The following CFAP47 variants were observed in gnomAD, a reference collection of about 807,000 sequenced individuals.
CFAP47 encodes the protein cilia- and flagella-associated protein 47.
Under a neutral mutation model 148.1 loss-of-function variants are expected in CFAP47, and 29 were observed. That is an observed-to-expected ratio of 0.20 (90% CI 0.15 to 0.27). CFAP47 has a LOEUF of 0.27. Among genes scored for constraint, CFAP47 ranks in the 10% least tolerant of loss-of-function variants. The pLI is 1.00. For missense variants in CFAP47, 1,872 were observed against 1,697.5 expected, an observed-to-expected ratio of 1.10 and a Z score of -1.81; for synonymous variants, 664 against 577.3, an observed-to-expected ratio of 1.15 and a Z score of -2.15.
chrX:36,160,850 C>CTTTTTTTT (rs147566241), intron 39 of CFAP47, 81 bp downstream of exon 39: 6 of 135,165 alleles, frequency 4.4e-5, no homozygotes, highest in Non-Finnish European at 6.6e-5. Context: ...TTCTTTCTTT[C>CTTTTTTTT]TTTTTTTTTT....
intron 40 of CFAP47, among the ~76,000 whole-genome samples, chrX:36,181,124 C>A (rs1259552629): frequency 9.0e-6 from 1 of 111,624 alleles, no homozygotes; most frequent in African/African-American, 3.2e-5. Flanking sequence ...AGAGTCAGAT[C>A]TTGAAGTAAC....
chrX:36,198,320 A>G (rs782441810), intron 42 of CFAP47, among the ~76,000 whole-genome samples: 68 of 112,000 alleles, frequency 6.1e-4, no homozygotes, highest in Non-Finnish European at 1.0e-3. Context: ...CTGATTGGCA[A>G]TTGGTTGAAA....
chrX:35,948,835 A>G (rs897989602), intron 4 of CFAP47, among the ~76,000 whole-genome samples: 27 of 105,349 alleles, frequency 2.6e-4, no homozygotes, highest in Non-Finnish European at 3.3e-4. Flanking sequence ...GGTGGGAGTT[A>G]GTGATGGGAG....
At chrX:36,331,648 C>T (rs1941566239) in intron 57 of CFAP47, among the ~76,000 whole-genome samples, 1 of 111,483 alleles carries the variant, frequency 9.0e-6, no homozygotes, top group South Asian at 3.7e-4. Context: ...ACTTAGGAGT[C>T]ATACTTAATT....
At chrX:36,177,798 A>T (rs1462122896) in intron 39 of CFAP47, among the ~76,000 whole-genome samples, 1 of 112,231 alleles carries the variant, frequency 8.9e-6, no homozygotes. Flanking sequence ...CTTAAAATAG[A>T]GTTACCATTT....
intron 8 of CFAP47, among the ~76,000 whole-genome samples, chrX:35,960,380 G>GAAAAAAAAAAAAAAAAAAAAAAAAAA (rs1188987905): frequency 2.6e-4 from 4 of 15,480 alleles, no homozygotes; most frequent in African/African-American, 5.2e-4. Flanking sequence ...GCTAATTTCT[G>GAAAAAAAAAAAAAAAAAAAAAAAAAA]AAAAAAAAAA....
At chrX:36,157,660 A>G (rs1454873056) in intron 37 of CFAP47, among the ~76,000 whole-genome samples, 1 of 110,768 alleles carries the variant, frequency 9.0e-6, no homozygotes, top group Non-Finnish European at 1.9e-5. Context: ...CGTTTGTACT[A>G]TCCAGGAGAG....
intron 29 of CFAP47, among the ~76,000 whole-genome samples, chrX:36,084,332 G>T (rs1294017403): frequency 9.0e-6 from 1 of 111,235 alleles, no homozygotes; most frequent in Non-Finnish European, 1.9e-5. Flanking sequence ...TTGTTTCTTT[G>T]CTGGTAACTT....
intron 19 of CFAP47, among the ~76,000 whole-genome samples, chrX:35,998,853 A>G (rs1020222692): frequency 4.5e-5 from 5 of 111,449 alleles, no homozygotes; most frequent in Non-Finnish European, 9.4e-5. Flanking sequence ...GTCTTTTATC[A>G]CTTTCTTTTC....
chrX:36,384,757 T>C (rs946457419), intron 63 of CFAP47, 40 bp from the exon 64 acceptor site: 3 of 1,009,094 alleles, frequency 3.0e-6, no homozygotes, highest in Non-Finnish European at 4.1e-6. Flanking sequence ...TTGAAGTCCC[T>C]GGATATTTCA....
intron 29 of CFAP47, among the ~76,000 whole-genome samples, chrX:36,075,574 C>T (rs1601962609): frequency 1.8e-5 from 2 of 111,621 alleles, no homozygotes; most frequent in East Asian, 5.7e-4. Context: ...TTCAGGGGTA[C>T]ATGTGCAATA....
At chrX:36,213,833 A>G (rs1940129037) in intron 45 of CFAP47, among the ~76,000 whole-genome samples, 1 of 112,311 alleles carries the variant, frequency 8.9e-6, no homozygotes, top group Non-Finnish European at 1.9e-5. Flanking sequence ...TAAAACCTTA[A>G]GCAATAATTA....
intron 21 of CFAP47, among the ~76,000 whole-genome samples, chrX:36,005,761 CTT>C (rs1318184708): frequency 2.7e-5 from 3 of 111,122 alleles, no homozygotes; most frequent in Non-Finnish European, 5.7e-5. Context: ...AATTTGTATT[CTT>C]ATTATTATGA....
intron 62 of CFAP47, among the ~76,000 whole-genome samples, chrX:36,371,970 GTA>G (rs782114420): frequency 8.1e-5 from 8 of 98,392 alleles, no homozygotes; most frequent in African/African-American, 3.1e-4. Context: ...ACACACATGT[GTA>G]TATGTGTGTG....
chrX:36,316,280 T>C lies in CFAP47; in HGVS notation c.8345-2929T>C, dbSNP rs138899750. 4.7e-3 allele frequency among the ~76,000 whole-genome samples: 524 copies of C among 111,967 alleles called. 5 individuals carry two copies. The highest frequency in any genetic ancestry group is 0.015 in the African/African-American group (476 of 30,832). ...TAAATAGGAGCCAAAAGCCCAGTAC[T>C]TGAAATCAACTACACCCTCCCCCAA... On this transcript the variant is annotated intron_variant, in intron 56 of 63. Coordinates refer to ENST00000378653, the MANE Select transcript of CFAP47 (RefSeq NM_001304548.2).
At chrX:36,298,289 C>T (rs1285699704) in intron 51 of CFAP47, among the ~76,000 whole-genome samples, 1 of 104,175 alleles carries the variant, frequency 9.6e-6, no homozygotes, top group African/African-American at 3.5e-5. Context: ...AATCATCATT[C>T]TCAGTAAACT....
At chrX:35,947,865 G>T (rs1190126244) in intron 3 of CFAP47, among the ~76,000 whole-genome samples, 1 of 111,785 alleles carries the variant, frequency 8.9e-6, no homozygotes, top group Non-Finnish European at 1.9e-5. Flanking sequence ...ATAAGTGTCT[G>T]AACGTAGTAA....
chrX:35,993,881 G>C (rs1457174803), intron 18 of CFAP47, among the ~76,000 whole-genome samples: 1 of 111,604 alleles, frequency 9.0e-6, no homozygotes, highest in Non-Finnish European at 1.9e-5. Context: ...TGAATTATAT[G>C]TAATTTCTAT....
rs1418080571 is a variant in CFAP47 at position 35,975,730 on chromosome X, G to A, written c.2530G>A (p.Val844Ile). 6.6e-6 allele frequency: 8 copies of A among 1,207,092 alleles called. No individual in the cohort carries two copies. Among genetic ancestry groups the A allele is most frequent in the Non-Finnish European group, 9.0e-6 (8 of 891,322 alleles). Residue 844 changes from valine (V) to isoleucine (I), a missense_variant, in exon 15 of 64, where the codon GTC becomes ATC. Coordinates refer to ENST00000378653, the MANE Select transcript of CFAP47 (RefSeq NM_001304548.2). The stretch of plus-strand genomic sequence containing the variant: ...TGGACACATCCTAGTGGTGGCAGTT[G>A]TCCAGCCAGTAACACTTGAGCTATC... ...PSGHILVVAV[V>I]QPVTLELSSN... is the part of the protein sequence containing the mutation.
Sources: gnomAD v4.1 joint callset for allele counts (sites outside exome capture counted in the v4.1 genomes callset) on GRCh38, gnomAD v4.1.1 for gene constraint, MANE v1.5 for transcripts, NCBI Gene and HGNC (gene_info 2026-07-23, HGNC 2026-07-21) for gene names.